The following MPP7 variants were observed in gnomAD, a reference collection of about 807,000 sequenced individuals.
MPP7 encodes the protein MAGUK p55 subfamily member 7.
MPP7 carries 60 observed loss-of-function variants against 76.5 expected under a neutral mutation model. That is an observed-to-expected ratio of 0.78 (90% CI 0.64 to 0.97). The LOEUF (loss-of-function observed/expected upper bound fraction) is 0.97, where lower values mean the gene tolerates loss of function less well. Among genes scored for constraint, MPP7 ranks in the 50% least tolerant of loss-of-function variants. The pLI is 0.00. For synonymous variants in MPP7, 237 were observed against 244.5 expected, an observed-to-expected ratio of 0.97 and a Z score of 0.29; for missense variants, 641 against 694.0, an observed-to-expected ratio of 0.92 and a Z score of 0.86.
At chr10:28,187,064 T>C (rs1418012324) in intron 3 of MPP7, among the ~76,000 whole-genome samples, 1 of 152,220 alleles carries the variant, frequency 6.6e-6, no homozygotes, top group East Asian at 1.9e-4. Context: ...ATAGACTTCC[T>C]ATTACGAAAT....
At chr10:28,273,979 G>C (rs1346306231) in intron 1 of MPP7, among the ~76,000 whole-genome samples, 1 of 146,680 alleles carries the variant, frequency 6.8e-6, no homozygotes, top group African/African-American at 2.5e-5. Flanking sequence ...ACAAACAAAG[G>C]CTGGGCACGG....
At chr10:28,069,914 C>G in intron 12 of MPP7, 62 bp from the exon 13 acceptor site, 1 of 1,230,000 alleles carries the variant, frequency 8.1e-7, no homozygotes, top group East Asian at 2.3e-5. Context: ...ATTTCTGTAA[C>G]TGACATGAGT....
chr10:28,251,917 C>CA (rs111340130), intron 1 of MPP7, among the ~76,000 whole-genome samples: 25 of 151,356 alleles, frequency 1.7e-4, no homozygotes, highest in Non-Finnish European at 3.4e-4. Context: ...TTAACAACAA[C>CA]AAAAAAAAAC....
chr10:28,120,562 C>A, intron 9 of MPP7, 32 bp downstream of exon 9: 1 of 1,589,630 alleles, frequency 6.3e-7, no homozygotes. Context: ...TTCCCTCCCA[C>A]GCACGAAGAA....
intron 3 of MPP7, among the ~76,000 whole-genome samples, chr10:28,166,752 T>A (rs1420198344): frequency 1.3e-5 from 2 of 152,150 alleles, no homozygotes; most frequent in Non-Finnish European, 2.9e-5. Flanking sequence ...AACTCTTGTG[T>A]GAATGTTTCA....
At chr10:28,165,729 G>T (rs1413890515) in intron 3 of MPP7, among the ~76,000 whole-genome samples, 1 of 151,966 alleles carries the variant, frequency 6.6e-6, no homozygotes, top group Non-Finnish European at 1.5e-5. Flanking sequence ...GTAAAATTTA[G>T]AATTTAGTGT....
chr10:28,265,501 G>T (rs1160059494), intron 1 of MPP7, among the ~76,000 whole-genome samples: 1 of 152,132 alleles, frequency 6.6e-6, no homozygotes, highest in Non-Finnish European at 1.5e-5. Context: ...CAAGAATGCA[G>T]TGAGCCAAGA....
intron 1 of MPP7, among the ~76,000 whole-genome samples, chr10:28,260,371 T>C (rs1361554931): frequency 6.6e-6 from 1 of 152,170 alleles, no homozygotes; most frequent in African/African-American, 2.4e-5. Context: ...CAAAGCTTCC[T>C]TATACCTACA....
At chr10:28,179,034 T>G (rs1836969815) in intron 3 of MPP7, among the ~76,000 whole-genome samples, 1 of 152,222 alleles carries the variant, frequency 6.6e-6, no homozygotes, top group East Asian at 1.9e-4. Flanking sequence ...GGAAGGAAAT[T>G]ATCAAGAAAT....
chr10:28,191,054 A>G (rs1377222541), intron 3 of MPP7, among the ~76,000 whole-genome samples: 2 of 152,160 alleles, frequency 1.3e-5, no homozygotes, highest in Non-Finnish European at 2.9e-5. Context: ...CATTCCTTGA[A>G]AGACAAGAGT....
chr10:28,175,150 C>T (rs1411951674), intron 3 of MPP7, among the ~76,000 whole-genome samples: 1 of 151,914 alleles, frequency 6.6e-6, no homozygotes, highest in Non-Finnish European at 1.5e-5. Context: ...ATCAGTTGGG[C>T]GTGGTGATGC....
chr10:28,133,406 T>C (rs199592887), intron 5 of MPP7, among the ~76,000 whole-genome samples: 1 of 152,192 alleles, frequency 6.6e-6, no homozygotes, highest in South Asian at 2.1e-4. Flanking sequence ...CTCTTTCTCA[T>C]AGAGGTCTGG....
At chr10:28,084,270 G>C (rs568897580) in intron 12 of MPP7, among the ~76,000 whole-genome samples, 5 of 152,206 alleles carry the variant, frequency 3.3e-5, no homozygotes, top group African/African-American at 1.2e-4. Flanking sequence ...AAAATAAATG[G>C]CAGCCAATTC....
chr10:28,169,205 C>A (rs1001418106), intron 3 of MPP7, among the ~76,000 whole-genome samples: 1 of 152,018 alleles, frequency 6.6e-6, no homozygotes, highest in Non-Finnish European at 1.5e-5. Context: ...CACATTAAAC[C>A]ACTAGCCAGG....
intron 12 of MPP7, among the ~76,000 whole-genome samples, chr10:28,087,295 T>G (rs1853062985): frequency 6.6e-6 from 1 of 152,198 alleles, no homozygotes; most frequent in East Asian, 1.9e-4. Context: ...CTTCCAGCTA[T>G]TAGAACCATC....
intron 3 of MPP7, among the ~76,000 whole-genome samples, chr10:28,191,403 TA>T (rs1310840150): frequency 6.6e-6 from 1 of 152,150 alleles, no homozygotes; most frequent in Non-Finnish European, 1.5e-5. Flanking sequence ...AAAATATTAA[TA>T]AGTTGAACCC....
chr10:28,124,902 G>A, intron 7 of MPP7, 108 bp downstream of exon 7: 1 of 852,666 alleles, frequency 1.2e-6, no homozygotes, highest in Non-Finnish European at 2.0e-6. Flanking sequence ...CTTATTACTT[G>A]TTCTGCTGTA....
chr10:28,124,333 G>A (rs777972963), intron 7 of MPP7, among the ~76,000 whole-genome samples: 4 of 152,066 alleles, frequency 2.6e-5, no homozygotes, highest in Non-Finnish European at 2.9e-5. Context: ...ATGGTAACAG[G>A]AGCTTGGTCT....
At chr10:28,278,136 C>CA (rs1403988944) in intron 1 of MPP7, among the ~76,000 whole-genome samples, 1 of 151,696 alleles carries the variant, frequency 6.6e-6, no homozygotes, top group Non-Finnish European at 1.5e-5. Context: ...ACACTGTTAC[C>CA]AAAAAAAGAA....
Sources: allele counts gnomAD v4.1 joint callset (sites outside exome capture counted in the v4.1 genomes callset), GRCh38; gene constraint gnomAD v4.1.1; transcripts MANE v1.5; gene names NCBI Gene and HGNC (gene_info 2026-07-23, HGNC 2026-07-21).